SH2D1A: variants seen among roughly 807,000 people sequenced by gnomAD.
The protein encoded by SH2D1A is SH2 domain-containing protein 1A.
A neutral mutation model predicts 10.1 loss-of-function variants in SH2D1A; 6 were observed. That is an observed-to-expected ratio of 0.60 (90% CI 0.33 to 1.18). SH2D1A has a LOEUF of 1.18. SH2D1A is among the 50% of genes most tolerant of loss of function. The pLI is 0.04. For missense variants in SH2D1A, 51 were observed against 97.6 expected, an observed-to-expected ratio of 0.52 and a Z score of 2.01; for synonymous variants, 42 against 36.9, an observed-to-expected ratio of 1.14 and a Z score of -0.51.
At chrX:124,350,958 T>C (rs1370121435) in intron 1 of SH2D1A, among the ~76,000 whole-genome samples, 4 of 61,402 alleles carry the variant, frequency 6.5e-5, no homozygotes, top group East Asian at 4.0e-4. Context: ...TATAATATAT[T>C]ATATATTGTA....
At chrX:124,356,550 C>T (rs906530728) in intron 1 of SH2D1A, among the ~76,000 whole-genome samples, 1 of 112,397 alleles carries the variant, frequency 8.9e-6, no homozygotes, top group Non-Finnish European at 1.9e-5. Flanking sequence ...CAGGCTCAAG[C>T]GATTCTCCTG....
chrX:124,368,758 A>T (rs149822145), intron 2 of SH2D1A, among the ~76,000 whole-genome samples: 1,642 of 112,728 alleles, frequency 0.015, 45 homozygotes, highest in African/African-American at 0.05. Flanking sequence ...TGAAGGCAAG[A>T]GATAGGAATG....
chrX:124,369,358 G>T (rs1055542139), intron 2 of SH2D1A, among the ~76,000 whole-genome samples: 14 of 112,060 alleles, frequency 1.2e-4, no homozygotes, highest in African/African-American at 3.9e-4. Flanking sequence ...GGAAATTGTT[G>T]TTGATTTCAG....
intron 1 of SH2D1A, among the ~76,000 whole-genome samples, chrX:124,347,120 AC>A (rs2147519761): frequency 9.0e-6 from 1 of 110,761 alleles, no homozygotes; most frequent in African/African-American, 3.3e-5. Flanking sequence ...TTCCATTTTG[AC>A]CCCTATCGGG....
At chrX:124,351,600 C>T (rs751762650) in intron 1 of SH2D1A, among the ~76,000 whole-genome samples, 5 of 110,546 alleles carry the variant, frequency 4.5e-5, no homozygotes, top group Non-Finnish European at 7.6e-5. Flanking sequence ...AAAATTTTCC[C>T]TTGACATTTG....
intron 1 of SH2D1A, among the ~76,000 whole-genome samples, chrX:124,350,577 A>G (rs1191164983): frequency 1.8e-5 from 1 of 55,249 alleles, no homozygotes; most frequent in Non-Finnish European, 2.9e-5. Context: ...TATATACTAT[A>G]TTATATAGTA....
intron 1 of SH2D1A, among the ~76,000 whole-genome samples, chrX:124,360,534 G>A (rs1329824235): frequency 1.1e-5 from 1 of 95,108 alleles, no homozygotes; most frequent in Non-Finnish European, 2.1e-5. Context: ...AGGCAGGAGG[G>A]CAAGGCTGCA....
chrX:124,368,386 C>T (rs745507314), intron 2 of SH2D1A, among the ~76,000 whole-genome samples: 15 of 111,639 alleles, frequency 1.3e-4, no homozygotes, highest in African/African-American at 3.9e-4. Flanking sequence ...GGTGGTCCGC[C>T]GGTCTCAGCC....
chrX:124,360,388 G>A (rs2060037075), intron 1 of SH2D1A, among the ~76,000 whole-genome samples: 1 of 95,754 alleles, frequency 1.0e-5, no homozygotes, highest in South Asian at 5.4e-4. Context: ...GATAGCTTGA[G>A]GCCAGGAGTT....
intron 2 of SH2D1A, among the ~76,000 whole-genome samples, chrX:124,366,847 A>T (rs189649894): frequency 6.6e-5 from 7 of 105,762 alleles, no homozygotes; most frequent in Non-Finnish European, 1.2e-4. Flanking sequence ...CTTTATTATG[A>T]AGAAAGTTAT....
chrX:124,346,889 C>T, intron 1 of SH2D1A, 110 bp downstream of exon 1: 1 of 909,512 alleles, frequency 1.1e-6, no homozygotes. Context: ...GTTAGCAGCT[C>T]GCCGACGCCT....
At chrX:124,366,770 C>G (rs1186364889) in intron 2 of SH2D1A, among the ~76,000 whole-genome samples, 2 of 109,982 alleles carry the variant, frequency 1.8e-5, no homozygotes, top group Non-Finnish European at 3.8e-5. Flanking sequence ...CTAATTGAAA[C>G]TATTTATACC....
At chrX:124,355,968 T>A (rs780929519) in intron 1 of SH2D1A, among the ~76,000 whole-genome samples, 173 of 110,350 alleles carry the variant, frequency 1.6e-3, no homozygotes, top group African/African-American at 5.4e-3. Flanking sequence ...CGTGCAGGTT[T>A]GTTACATATG....
intron 2 of SH2D1A, among the ~76,000 whole-genome samples, chrX:124,366,481 AC>A (rs1406786259): frequency 9.0e-6 from 1 of 111,702 alleles, no homozygotes; most frequent in African/African-American, 3.3e-5. Flanking sequence ...AAGGCCTGGC[AC>A]ACAGTGAGCC....
chrX:124,365,964 T>C, intron 2 of SH2D1A, 140 bp downstream of exon 2: 1 of 469,522 alleles, frequency 2.1e-6, no homozygotes, highest in Non-Finnish European at 3.8e-6. Flanking sequence ...AAATTGTTCA[T>C]GGATCATTAA....
At chrX:124,350,318 TAA>T (rs2060007150) in intron 1 of SH2D1A, among the ~76,000 whole-genome samples, 1 of 24,569 alleles carries the variant, frequency 4.1e-5, no homozygotes, top group Non-Finnish European at 6.1e-5. Context: ...ATATTATATA[TAA>T]TATTATATAA....
intron 1 of SH2D1A, among the ~76,000 whole-genome samples, chrX:124,353,539 C>T: frequency 9.1e-6 from 1 of 110,155 alleles, no homozygotes; most frequent in East Asian, 2.8e-4. Context: ...AGTTTCTTTT[C>T]ACTGAGGTAC....
intron 1 of SH2D1A, among the ~76,000 whole-genome samples, chrX:124,358,755 G>A (rs962478524): frequency 1.8e-5 from 2 of 111,649 alleles, no homozygotes; most frequent in Non-Finnish European, 3.8e-5. Flanking sequence ...GTGGGCATTC[G>A]CTTTACATTT....
chrX:124,363,916 A>AAAAAAAAAAAAAAAG (rs1569527532), intron 1 of SH2D1A, among the ~76,000 whole-genome samples: 1 of 85,084 alleles, frequency 1.2e-5, no homozygotes, highest in African/African-American at 4.7e-5. Flanking sequence ...AAAAAAAAAA[A>AAAAAAAAAAAAAAAG]GAAAGAAAAA....
Sources: allele counts gnomAD v4.1 joint callset (sites outside exome capture counted in the v4.1 genomes callset), GRCh38; gene constraint gnomAD v4.1.1; transcripts MANE v1.5; gene names NCBI Gene and HGNC (gene_info 2026-07-23, HGNC 2026-07-21).